The following ASCC1 variants were observed in gnomAD, a reference collection of about 807,000 sequenced individuals.
The protein encoded by ASCC1 is ASC-1 complex subunit P50.
In ASCC1, 35 loss-of-function variants were observed where a neutral mutation model predicts 46.6. That is an observed-to-expected ratio of 0.75 (90% CI 0.57 to 0.99). The LOEUF is 0.99. Among genes scored for constraint, ASCC1 ranks in the 50% least tolerant of loss-of-function variants. The probability of loss-of-function intolerance (pLI) is 0.00; values close to 1 mark genes in which losing one functional copy is unlikely to be tolerated. For synonymous variants in ASCC1, 143 were observed against 146.6 expected (o/e 0.98, Z 0.18); for missense variants, 376 against 428.7 (o/e 0.88, Z 1.09).
At chr10:72,140,810 A>T (rs1467130629) in intron 7 of ASCC1, among the ~76,000 whole-genome samples, 1 of 152,220 alleles carries the variant, frequency 6.6e-6, no homozygotes, top group Admixed American at 6.5e-5. Flanking sequence ...GGGCTGCACC[A>T]CTGTGGAATT....
chr10:72,186,032 TAAAC>T (rs1168265149), intron 5 of ASCC1, among the ~76,000 whole-genome samples: 2 of 152,080 alleles, frequency 1.3e-5, no homozygotes, highest in African/African-American at 4.8e-5. Context: ...ATTGATTAAA[TAAAC>T]TAAGGTACAT....
At chr10:72,196,594 A>C (rs1855460615) in intron 5 of ASCC1, among the ~76,000 whole-genome samples, 1 of 152,004 alleles carries the variant, frequency 6.6e-6, no homozygotes, top group Non-Finnish European at 1.5e-5. Context: ...ATATGTGTTA[A>C]AATTTTTTAA....
At chr10:72,144,320 G>C (rs549148234) in intron 7 of ASCC1, among the ~76,000 whole-genome samples, 16 of 152,168 alleles carry the variant, frequency 1.1e-4, no homozygotes, top group Middle Eastern at 3.4e-3. Context: ...ATTCAGTTAC[G>C]CCAACTTTCT....
chr10:72,125,477 T>C (rs1375024949), intron 9 of ASCC1, among the ~76,000 whole-genome samples: 1 of 152,248 alleles, frequency 6.6e-6, no homozygotes, highest in Non-Finnish European at 1.5e-5. Context: ...ACTGGTTTTC[T>C]AAATCCTGTT....
In ASCC1 at chr10:72,211,772, G is replaced by A. The variant is rs545834124; in HGVS notation, c.113-941C>T. 3.4e-3 allele frequency among the ~76,000 whole-genome samples: 512 copies of A among 149,766 alleles called. 5 individuals are homozygous for A. Among genetic ancestry groups the A allele is most frequent in the African/African-American group, 0.012 (493 of 40,664 alleles). ...CGGGAGGCAGAGCTTGCAGTGAGCC[G>A]AGATCGCGCCACTGCACTCCAGCCT... On this transcript the variant is annotated intron_variant, in intron 2 of 9. Transcript: ENST00000672957.
At chr10:72,105,274 C>G (rs1447712135) in intron 9 of ASCC1, among the ~76,000 whole-genome samples, 2 of 152,220 alleles carry the variant, frequency 1.3e-5, no homozygotes, top group Non-Finnish European at 2.9e-5. Context: ...ACAAAGAGAA[C>G]ATTCTAACAT....
intron 7 of ASCC1, among the ~76,000 whole-genome samples, chr10:72,143,634 A>AT (rs1051040057): frequency 6.8e-5 from 10 of 147,026 alleles, no homozygotes; most frequent in Non-Finnish European, 1.2e-4. Flanking sequence ...GTATGTAATC[A>AT]TTTTTTTTCT....
intron 4 of ASCC1, among the ~76,000 whole-genome samples, chr10:72,197,885 A>T (rs2133289172): frequency 6.7e-6 from 1 of 148,946 alleles, no homozygotes; most frequent in South Asian, 2.1e-4. Context: ...CAGCATGGGC[A>T]ACAGAGCTAG....
At chr10:72,213,487 C>G (rs966341542) in intron 1 of ASCC1, 156 bp from the exon 2 acceptor site, 1 of 590,328 alleles carries the variant, frequency 1.7e-6, no homozygotes. Flanking sequence ...CATCTGTAAA[C>G]CAGTTTAGGT....
chr10:72,168,174 G>A (rs1459758951), intron 5 of ASCC1, among the ~76,000 whole-genome samples: 1 of 152,230 alleles, frequency 6.6e-6, no homozygotes, highest in Admixed American at 6.5e-5. Flanking sequence ...CTGGGTGACA[G>A]AGCGAGACTC....
chr10:72,205,322 T>C (rs1857045711), intron 3 of ASCC1, among the ~76,000 whole-genome samples: 1 of 151,942 alleles, frequency 6.6e-6, no homozygotes, highest in African/African-American at 2.4e-5. Context: ...ATACAAAAAT[T>C]AGCAAAGCCA....
At chr10:72,117,028 G>A (rs1340415774) in intron 9 of ASCC1, among the ~76,000 whole-genome samples, 9 of 152,184 alleles carry the variant, frequency 5.9e-5, no homozygotes, top group Middle Eastern at 3.4e-3. Flanking sequence ...CACCTCCCAG[G>A]TTGAAGCGAT....
chr10:72,196,788 CT>C (rs763160814), intron 5 of ASCC1, 22 bp downstream of exon 5: 30 of 1,602,506 alleles, frequency 1.9e-5, no homozygotes, highest in Non-Finnish European at 2.5e-5. Context: ...TTTTTTTAAC[CT>C]TCTTGCTTTG....
At chr10:72,131,439 TACACACACACACACACACACAC>T (rs71927487) in intron 8 of ASCC1, among the ~76,000 whole-genome samples, 1 of 139,324 alleles carries the variant, frequency 7.2e-6, no homozygotes. Context: ...AAAATAAAAA[TACACACACACACACACACACAC>T]ACACACACAC....
chr10:72,209,458 G>A (rs1465840308), intron 3 of ASCC1, among the ~76,000 whole-genome samples: 1 of 152,120 alleles, frequency 6.6e-6, no homozygotes, highest in African/African-American at 2.4e-5. Flanking sequence ...CTCTAACCTG[G>A]CAACAGTGCG....
chr10:72,131,089 T>C (rs1426051742), intron 8 of ASCC1, among the ~76,000 whole-genome samples: 1 of 152,182 alleles, frequency 6.6e-6, no homozygotes, highest in Non-Finnish European at 1.5e-5. Flanking sequence ...TTGAAAATAT[T>C]CCTACTTCCT....
chr10:72,212,456 G>C (rs748010178), intron 2 of ASCC1, among the ~76,000 whole-genome samples: 6 of 151,620 alleles, frequency 4.0e-5, no homozygotes, highest in Admixed American at 6.6e-5. Flanking sequence ...CAAAAACCAC[G>C]ATGTTCTACA....
chr10:72,186,744 A>G (rs1853506374), intron 5 of ASCC1, among the ~76,000 whole-genome samples: 1 of 152,148 alleles, frequency 6.6e-6, no homozygotes, highest in South Asian at 2.1e-4. Context: ...GAATTTGAAG[A>G]CAGAAAAGAG....
At chr10:72,176,133 C>G (rs1250813178) in intron 5 of ASCC1, among the ~76,000 whole-genome samples, 1 of 152,224 alleles carries the variant, frequency 6.6e-6, no homozygotes, top group African/African-American at 2.4e-5. Context: ...CACTTCAGAG[C>G]AGAACTCTGA....
Sources: gnomAD v4.1 joint callset for allele counts (sites outside exome capture counted in the v4.1 genomes callset) on GRCh38, gnomAD v4.1.1 for gene constraint, MANE v1.5 for transcripts, NCBI Gene and HGNC (gene_info 2026-07-23, HGNC 2026-07-21) for gene names.